Variants in CCDC88A observed in about 807,000 individuals in gnomAD.
CCDC88A encodes girdin.
A neutral mutation model predicts 234.3 loss-of-function variants in CCDC88A; 54 were observed. The observed-to-expected ratio is 0.23, with a 90% CI of 0.19 to 0.29. The LOEUF (loss-of-function observed/expected upper bound fraction) is 0.29, where lower values mean the gene tolerates loss of function less well. CCDC88A is among the 10% of genes least tolerant of loss of function. CCDC88A has a pLI of 1.00. For synonymous variants in CCDC88A, 753 were observed against 737.8 expected, an observed-to-expected ratio of 1.02 and a Z score of -0.33; for missense variants, 1,832 against 2,123.4, an observed-to-expected ratio of 0.86 and a Z score of 2.70.
chr2:55,288,033 A>G lies in CCDC88A; in HGVS notation c.*3167T>C, dbSNP rs1384225169. 7.2e-5 allele frequency: 11 copies of G among 152,662 alleles called. No homozygotes were observed. Among genetic ancestry groups the G allele is most frequent in the Non-Finnish European group, 2.9e-5 (2 of 68,034 alleles). 9.5% of individuals were successfully genotyped at this position (152,662 alleles called of 1,614,324 possible). A position where few individuals can be genotyped will look rare whatever the true frequency, so the allele number is the denominator to read the frequency against. On this transcript the variant is annotated 3_prime_UTR_variant, in exon 33 of 33. Coordinates refer to ENST00000436346, the MANE Select transcript of CCDC88A (RefSeq NM_001365480.1). ...ATTGCCAAGTAATAAACATTTTGCC[A>G]TTCAACTCTAAATCCCTTATTAGCA...
chr2:55,387,779 CAA>C (rs66479611), intron 3 of CCDC88A, among the ~76,000 whole-genome samples: 27 of 64,840 alleles, frequency 4.2e-4, no homozygotes, highest in East Asian at 7.4e-4. Context: ...GGCTCCATCT[CAA>C]AAAAAAAAAA....
Position 55,308,319 on chromosome 2 carries a change from C to A in CCDC88A, c.4387+490G>T, listed in dbSNP as rs34714668. 558 of 153,370 alleles carry A rather than the reference C, an allele frequency of 3.6e-3. 2 individuals are homozygous for A. Among genetic ancestry groups the A allele is most frequent in the Non-Finnish European group, 5.8e-3 (400 of 68,880 alleles). The allele number at this position is 153,370 out of a possible 1,614,324, so 9.5% of individuals were successfully genotyped here. ...GTAATTTCTAAATCATTGAATAACA[C>A]CCCTTCAAATTCATACCTATTTTTG... On this transcript the variant is annotated intron_variant, in intron 25 of 32. Transcript: ENST00000436346.
chr2:55,301,511 G>C (rs866919072), intron 27 of CCDC88A: 2 of 509,974 alleles, frequency 3.9e-6, no homozygotes, highest in African/African-American at 4.0e-5. Flanking sequence ...TCTCCCCTCT[G>C]ACCCTGCAAA....
intron 27 of CCDC88A, 134 bp from the exon 28 acceptor site, chr2:55,301,411 T>C: frequency 2.2e-6 from 1 of 445,610 alleles, no homozygotes; most frequent in Non-Finnish European, 3.8e-6. Context: ...TTTCATAGAC[T>C]CAACTAGAAA....
At chr2:55,410,681 T>C (rs573243625) in intron 2 of CCDC88A, among the ~76,000 whole-genome samples, 4 of 151,894 alleles carry the variant, frequency 2.6e-5, no homozygotes, top group Non-Finnish European at 5.9e-5. Flanking sequence ...CCCAGGAGAT[T>C]GGAACCAGAA....
At chr2:55,352,341 C>T (rs909591755) in intron 8 of CCDC88A, among the ~76,000 whole-genome samples, 2 of 151,648 alleles carry the variant, frequency 1.3e-5, no homozygotes, top group Admixed American at 1.3e-4. Flanking sequence ...GAGGCAGAAT[C>T]GCTTGAACCC....
chr2:55,380,093 G>A (rs1379587710), intron 3 of CCDC88A, among the ~76,000 whole-genome samples: 4 of 139,866 alleles, frequency 2.9e-5, no homozygotes, highest in Non-Finnish European at 4.6e-5. Context: ...AAAAATAGCT[G>A]CATGTGCTGG....
rs1205244102 is a variant in CCDC88A, at chr2:55,381,391, A to C, written c.274-6508T>G. Among the ~76,000 whole-genome samples, 4 of 152,000 alleles carry C rather than the reference A, an allele frequency of 2.6e-5. No individual in the cohort carries two copies. The East Asian group carries it at 7.7e-4, about 29-fold the overall frequency. On this transcript the variant is annotated intron_variant, in intron 3 of 32. Transcript: ENST00000436346. ...GGCAAAACCCTGTCTCAACAACAGC[A>C]ACAACAACAAAATTAGCCGGGTGTA...
intron 29 of CCDC88A, among the ~76,000 whole-genome samples, chr2:55,297,340 T>TATATATAAATATATATAA (rs1385774941): frequency 5.4e-5 from 2 of 36,844 alleles, no homozygotes; most frequent in Non-Finnish European, 9.5e-5. Context: ...ATATATAAAT[T>TATATATAAATATATATAA]TATATATTAT....
At chr2:55,302,816 A>C (rs2104575223) in intron 26 of CCDC88A, 1 of 274,626 alleles carries the variant, frequency 3.6e-6, no homozygotes, top group Non-Finnish European at 6.8e-6. Context: ...GCCAATTTTT[A>C]GAAAGCACTG....
At chr2:55,352,326 A>C (rs1669991242) in intron 8 of CCDC88A, among the ~76,000 whole-genome samples, 1 of 152,030 alleles carries the variant, frequency 6.6e-6, no homozygotes, top group African/African-American at 2.4e-5. Context: ...GCTACTCAGG[A>C]GGCTGAGGCA....
intron 31 of CCDC88A, chr2:55,294,976 G>T (rs933925459): frequency 8.3e-7 from 1 of 1,197,742 alleles, no homozygotes; most frequent in African/African-American, 1.6e-5. Flanking sequence ...CTAGCCAAAT[G>T]ATATTTTGTT....
intron 2 of CCDC88A, among the ~76,000 whole-genome samples, chr2:55,398,999 G>A (rs1186469233): frequency 2.0e-5 from 3 of 152,064 alleles, no homozygotes; most frequent in Non-Finnish European, 4.4e-5. Context: ...ACCTGGCTTT[G>A]CAGTAAATAT....
intron 12 of CCDC88A, among the ~76,000 whole-genome samples, chr2:55,341,559 C>A (rs1027103423): frequency 1.3e-5 from 2 of 151,836 alleles, no homozygotes; most frequent in African/African-American, 4.8e-5. Context: ...GTTCTCCTGC[C>A]TCAGCCTCCC....
chr2:55,402,778 G>C (rs981721710), intron 2 of CCDC88A, among the ~76,000 whole-genome samples: 2 of 151,784 alleles, frequency 1.3e-5, no homozygotes, highest in African/African-American at 2.4e-5. Flanking sequence ...GGGAGGCCAA[G>C]GCAGGCGGAT....
intron 2 of CCDC88A, among the ~76,000 whole-genome samples, chr2:55,415,388 GGA>G (rs1163210226): frequency 6.6e-6 from 1 of 151,778 alleles, no homozygotes; most frequent in African/African-American, 2.4e-5. Flanking sequence ...ACAACTGGGG[GGA>G]AAAAAAGACA....
chr2:55,386,307 A>G (rs1394334150), intron 3 of CCDC88A, among the ~76,000 whole-genome samples: 1 of 151,732 alleles, frequency 6.6e-6, no homozygotes, highest in Non-Finnish European at 1.5e-5. Flanking sequence ...CTGCATACTT[A>G]AAAGTATTTC....
intron 2 of CCDC88A, chr2:55,404,377 G>A (rs1297486220): frequency 1.3e-5 from 2 of 152,126 alleles, no homozygotes; most frequent in African/African-American, 2.4e-5. Context: ...ATTAGTGAGA[G>A]TAGAATAAGA....
intron 2 of CCDC88A, among the ~76,000 whole-genome samples, chr2:55,401,237 C>T (rs1303263110): frequency 6.6e-6 from 1 of 151,108 alleles, no homozygotes; most frequent in South Asian, 2.1e-4. Context: ...TGAGACCAGC[C>T]TGTACAACAC....
Sources: gnomAD v4.1 joint callset for allele counts (sites outside exome capture counted in the v4.1 genomes callset) on GRCh38, gnomAD v4.1.1 for gene constraint, MANE v1.5 for transcripts, NCBI Gene and HGNC (gene_info 2026-07-23, HGNC 2026-07-21) for gene names.